The following CLEC12B variants were observed in gnomAD, a reference collection of about 807,000 sequenced individuals.
CLEC12B encodes C-type lectin domain family 12 member B.
Under a neutral mutation model 36.1 loss-of-function variants are expected in CLEC12B, and 25 were observed. The ratio of observed to expected loss-of-function variants is 0.69; its 90% confidence interval spans 0.50 to 0.97. The LOEUF (loss-of-function observed/expected upper bound fraction) is 0.97, where lower values mean the gene tolerates loss of function less well. CLEC12B is among the 50% of genes least tolerant of loss of function. CLEC12B has a pLI of 0.00. For missense variants in CLEC12B, 325 were observed against 318.4 expected (o/e 1.02, Z -0.16); for synonymous variants, 110 against 108.5 (o/e 1.01, Z -0.09).
At chr12:10,009,876 G>A (rs1395308481), upstream of CLEC12B, among the ~76,000 whole-genome samples, 3 of 151,782 alleles carry the variant, frequency 2.0e-5, no homozygotes, top group Non-Finnish European at 2.9e-5. Context: ...CCTTAATTTC[G>A]TCCCTCATAT....
rs1865454556 is a variant in CLEC12B at position 10,015,286 on chromosome 12, A to G, written c.444A>G (p.Gln148=). The change falls in exon 4 of 6, where the codon CAA becomes CAG. Residue 148 remains glutamine (Q), a synonymous_variant. Transcript: ENST00000338896. ...HRCNPCPKMW[Q]WYQNSCYYFT... ...GTAATCCATGTCCTAAGATGTGGCA[A>G]TGGTACCAAAATAGTTGCTACTATT... is the stretch of plus-strand genomic sequence containing the variant. 1 of 1,613,260 alleles carries G rather than the reference A, an allele frequency of 6.2e-7. No individual in the cohort carries two copies. Among genetic ancestry groups the G allele is most frequent in the Non-Finnish European group, 8.5e-7 (1 of 1,179,378 alleles).
chr12:10,012,559 A>G (rs1349707714), intron 1 of CLEC12B, among the ~76,000 whole-genome samples: 3 of 152,074 alleles, frequency 2.0e-5, no homozygotes, highest in African/African-American at 7.2e-5. Flanking sequence ...CCCTCCCCCA[A>G]CGAAGCTTCC....
chr12:10,015,230 T>C (rs371293400), intron 3 of CLEC12B, 22 bp from the exon 4 acceptor site: 58 of 1,596,634 alleles, frequency 3.6e-5, no homozygotes, highest in East Asian at 2.2e-5. Context: ...GTTTATATTA[T>C]TGGGTATAAT....
chr12:10,015,743 T>C lies in CLEC12B; in HGVS notation c.680+16T>C, dbSNP rs531439346. Reference sequence around the variant, plus strand: ...CTCCATCCTTGTACGTCTCTAACTATTGAGGGTAAACACAAGCTTTCCATG... The same window carrying C: ...CTCCATCCTTGTACGTCTCTAACTACTGAGGGTAAACACAAGCTTTCCATG... On this transcript the variant is annotated intron_variant, in intron 5 of 5. Coordinates refer to ENST00000338896, the MANE Select transcript of CLEC12B (RefSeq NM_001129998.3). The C allele has an allele frequency of 9.9e-6, 16 of 1,612,264 alleles. No homozygotes were observed. The East Asian group carries it at 2.9e-4, about 29-fold the overall frequency.
upstream of CLEC12B, among the ~76,000 whole-genome samples, chr12:10,010,150 C>T (rs964190065): frequency 6.7e-6 from 1 of 150,302 alleles, no homozygotes; most frequent in African/African-American, 2.5e-5. Context: ...TTACCAACAC[C>T]ATGTCTCTCT....
intron 1 of CLEC12B, among the ~76,000 whole-genome samples, chr12:10,011,931 A>G (rs1266832316): frequency 6.6e-6 from 1 of 152,232 alleles, no homozygotes; most frequent in Admixed American, 6.5e-5. Context: ...GTGTACCTAG[A>G]GTCTGTCATG....
At chr12:10,015,048 A>G (rs1484952611) in intron 3 of CLEC12B, among the ~76,000 whole-genome samples, 1 of 152,196 alleles carries the variant, frequency 6.6e-6, no homozygotes, top group Non-Finnish European at 1.5e-5. Flanking sequence ...TTCTGAGGTC[A>G]GAAGACTAAG....
In CLEC12B at chr12:10,014,683, G is replaced by A; in HGVS notation, c.351G>A (p.Leu117=). Residue 117 remains leucine, a synonymous_variant, in exon 3 of 6, where the codon CTG becomes CTA. Coordinates refer to ENST00000338896, the MANE Select transcript of CLEC12B (RefSeq NM_001129998.3). The part of the protein sequence containing the change: ...EFLKSQISSV[L]KRQEQMAIKL... The stretch of plus-strand genomic sequence containing the variant: ...TCAAGTCACAGATCTCCAGTGTACT[G>A]AAGAGGCAGGAACAAATGGCCATCA... 1 of 1,613,674 alleles carries A rather than the reference G, an allele frequency of 6.2e-7. No individual in the cohort carries two copies. The highest frequency in any genetic ancestry group is 1.3e-5 in the African/African-American group (1 of 75,006).
At chr12:10,011,003 T>C (rs529490573) in intron 1 of CLEC12B, among the ~76,000 whole-genome samples, 153 bp downstream of exon 1, 1 of 152,248 alleles carries the variant, frequency 6.6e-6, no homozygotes, top group East Asian at 1.9e-4. Context: ...GAAAAGTGAG[T>C]GTTCCCAAGG....
rs1865364339 is a variant in CLEC12B at position 10,012,849 on chromosome 12, G to A, written c.156G>A (p.Met52Ile). Residue 52 changes from methionine to isoleucine, a missense_variant, in exon 2 of 6, where the codon ATG (methionine) becomes ATA (isoleucine). By Grantham distance (10) the Met-to-Ile change is conservative. Coordinates refer to ENST00000338896, the MANE Select transcript of CLEC12B (RefSeq NM_001129998.3). ...TGGGTCTGGTAACTCTTTGCCTGAT[G>A]TTGCTGATTGGGCTGGTGACATTGG... is the stretch of plus-strand genomic sequence containing the variant. Reference protein sequence around the residue: ...AALGLVTLCLMLLIGLVTLGM... With the variant: ...AALGLVTLCLILLIGLVTLGM... 1.2e-6 allele frequency: 2 copies of A among 1,613,796 alleles called. No homozygotes were observed. The highest frequency in any genetic ancestry group is 1.7e-6 in the Non-Finnish European group (2 of 1,179,794).
In CLEC12B at chr12:10,013,992, A is replaced by G. The variant is rs945428652; in HGVS notation, c.191-531A>G. 2.0e-5 allele frequency among the ~76,000 whole-genome samples: 3 copies of G among 152,190 alleles called. No homozygotes were observed. The South Asian group carries it at 6.2e-4, about 32-fold the overall frequency. The stretch of plus-strand genomic sequence containing the variant: ...TAGTGCTTTTGGTGCAGTGGTTCTT[A>G]AATTTGTTGTGCTGATGAAGCACCT... On this transcript the variant is annotated intron_variant, in intron 2 of 5. Transcript: ENST00000338896.
At chr12:10,006,875 G>A (rs1212724143), upstream of CLEC12B, among the ~76,000 whole-genome samples, 1 of 151,982 alleles carries the variant, frequency 6.6e-6, no homozygotes, top group Admixed American at 6.6e-5. Context: ...CTAACACGGT[G>A]AAACCCCGTC....
At chr12:10,010,933 C>A in intron 1 of CLEC12B, 83 bp downstream of exon 1, 2 of 803,398 alleles carry the variant, frequency 2.5e-6, no homozygotes, top group Non-Finnish European at 2.1e-6. Flanking sequence ...TTAATACTGG[C>A]GTTAAAGACA....
upstream of CLEC12B, among the ~76,000 whole-genome samples, chr12:10,008,269 T>G (rs1250611918): frequency 6.6e-6 from 1 of 152,220 alleles, no homozygotes; most frequent in Non-Finnish European, 1.5e-5. Flanking sequence ...TAAGTTTAAA[T>G]AGCAATTATA....
At position 10,018,684 on chromosome 12, in the gene CLEC12B, A is replaced by T; in HGVS notation, c.*203A>T. The T allele has an allele frequency of 1.9e-6, 1 of 540,086 alleles. No homozygotes were observed. Among genetic ancestry groups the T allele is most frequent in the Non-Finnish European group, 3.2e-6 (1 of 309,810 alleles). The allele number at this position is 540,086 out of a possible 1,614,324, so 33.5% of individuals were successfully genotyped here. On this transcript the variant is annotated 3_prime_UTR_variant, in exon 6 of 6. Coordinates refer to ENST00000338896, the MANE Select transcript of CLEC12B (RefSeq NM_001129998.3). ...TTTGATGTTATTATTCGGTCTTAAA[A>T]TTATACCTGGGGACAAAGGGGAATA...
upstream of CLEC12B, among the ~76,000 whole-genome samples, chr12:10,007,943 G>T (rs1160383768): frequency 6.6e-6 from 1 of 152,216 alleles, no homozygotes; most frequent in Non-Finnish European, 1.5e-5. Flanking sequence ...CATGGTCAGT[G>T]AAGTTGCTAT....
In CLEC12B at chr12:10,014,143, T is replaced by A. The variant is rs546306865; in HGVS notation, c.191-380T>A. ...CTCAGGTCATCTGCAGAGTTTGAGATATCCATTGTCCCAAAGAATGCTGTT... is the reference window on the plus strand; with the variant it reads ...CTCAGGTCATCTGCAGAGTTTGAGAAATCCATTGTCCCAAAGAATGCTGTT... On this transcript the variant is annotated intron_variant, in intron 2 of 5. Coordinates refer to ENST00000338896, the MANE Select transcript of CLEC12B (RefSeq NM_001129998.3). 2.6e-5 allele frequency among the ~76,000 whole-genome samples: 4 copies of A among 152,314 alleles called. No homozygotes were observed. The South Asian group carries it at 8.3e-4, about 32-fold the overall frequency.
At chr12:10,007,394 G>C (rs1865243131), upstream of CLEC12B, among the ~76,000 whole-genome samples, 1 of 152,190 alleles carries the variant, frequency 6.6e-6, no homozygotes, top group Non-Finnish European at 1.5e-5. Context: ...TTAATATACA[G>C]ATGGAGATTG....
chr12:10,014,315 A>AAT (rs1198682956), intron 2 of CLEC12B, among the ~76,000 whole-genome samples: 9 of 152,180 alleles, frequency 5.9e-5, no homozygotes, highest in African/African-American at 1.9e-4. Context: ...ATTTTAATAT[A>AAT]GTGCAATAAT....
Sources: allele counts gnomAD v4.1 joint callset (sites outside exome capture counted in the v4.1 genomes callset), GRCh38; gene constraint gnomAD v4.1.1; transcripts MANE v1.5; gene names NCBI Gene and HGNC (gene_info 2026-07-23, HGNC 2026-07-21).